SPOPL: variants seen among roughly 807,000 people sequenced by gnomAD.
SPOPL encodes speckle type BTB/POZ protein like.
SPOPL carries 23 observed loss-of-function variants against 53.8 expected under a neutral mutation model. That is an observed-to-expected ratio of 0.43 (90% CI 0.31 to 0.61). The LOEUF (loss-of-function observed/expected upper bound fraction) is 0.61. Ranked by LOEUF, SPOPL falls within the 20% of genes least tolerant of loss-of-function variation. The pLI is 0.12. For missense variants in SPOPL, 442 were observed against 466.9 expected (o/e 0.95, Z 0.49); for synonymous variants, 164 against 149.7 (o/e 1.10, Z -0.70).
chr2:138,505,296 C>T (rs1251778947), intron 1 of SPOPL, among the ~76,000 whole-genome samples: 2 of 152,044 alleles, frequency 1.3e-5, no homozygotes, highest in Non-Finnish European at 2.9e-5. Context: ...ATATTGAAGG[C>T]ATTTACATTT....
intron 1 of SPOPL, among the ~76,000 whole-genome samples, chr2:138,537,022 C>T (rs1174963640): frequency 6.6e-6 from 1 of 152,122 alleles, no homozygotes; most frequent in Non-Finnish European, 1.5e-5. Flanking sequence ...TGATTGGTAC[C>T]CTGACAGCAC....
intron 1 of SPOPL, among the ~76,000 whole-genome samples, chr2:138,528,531 G>A (rs550240014): frequency 1.3e-5 from 2 of 152,272 alleles, no homozygotes; most frequent in African/African-American, 4.8e-5. Context: ...TGAGTATCGT[G>A]TTGGGAAATA....
At chr2:138,555,171 C>T (rs7604675) in intron 5 of SPOPL, among the ~76,000 whole-genome samples, 13,154 of 86,154 alleles carry the variant, frequency 0.15, 680 homozygotes, top group Middle Eastern at 0.26. Context: ...TGTGTGTGTG[C>T]GAGCCAGACT....
chr2:138,537,649 T>C (rs1684966691), intron 1 of SPOPL, among the ~76,000 whole-genome samples: 1 of 152,182 alleles, frequency 6.6e-6, no homozygotes, highest in Non-Finnish European at 1.5e-5. Flanking sequence ...ATCCTTCCTG[T>C]CACAGGAGGA....
intron 1 of SPOPL, among the ~76,000 whole-genome samples, chr2:138,541,532 G>A (rs1272113253): frequency 1.3e-5 from 2 of 152,184 alleles, no homozygotes; most frequent in African/African-American, 4.8e-5. Context: ...TATTTGCATA[G>A]AGGTGTTTAT....
At chr2:138,516,457 A>G (rs1314615979) in intron 1 of SPOPL, among the ~76,000 whole-genome samples, 1 of 152,220 alleles carries the variant, frequency 6.6e-6, no homozygotes, top group African/African-American at 2.4e-5. Context: ...TGGTCAAGCT[A>G]TTCTAGCTAA....
rs185382290 is a variant in SPOPL at position 138,564,456 on chromosome 2, A to G, written c.838-252A>G. ...TATTAAGAATATTGAGTAATAAGGTAGCTTTTTAGAATAAATCCTACTTCA... is the reference window on the plus strand; with the variant it reads ...TATTAAGAATATTGAGTAATAAGGTGGCTTTTTAGAATAAATCCTACTTCA... On this transcript the variant is annotated intron_variant, in intron 8 of 10. Transcript: ENST00000280098. 37 of 413,016 alleles carry G rather than the reference A, an allele frequency of 9.0e-5. No homozygotes were observed. In the Admixed American group the frequency reaches 1.2e-3, roughly 13 times the overall value. 25.6% of individuals were successfully genotyped at this position (413,016 alleles called of 1,614,324 possible).
chr2:138,528,795 C>A (rs1212746640), intron 1 of SPOPL, among the ~76,000 whole-genome samples: 2 of 152,190 alleles, frequency 1.3e-5, no homozygotes, highest in Non-Finnish European at 2.9e-5. Flanking sequence ...AGCTTGGACT[C>A]AAATCCAGTC....
At chr2:138,562,542 T>C (rs1685571453) in intron 8 of SPOPL, among the ~76,000 whole-genome samples, 1 of 152,150 alleles carries the variant, frequency 6.6e-6, no homozygotes, top group African/African-American at 2.4e-5. Context: ...CCGAACACTT[T>C]GGGAGGCCAA....
intron 5 of SPOPL, among the ~76,000 whole-genome samples, chr2:138,558,445 TG>T (rs1286164910): frequency 2.6e-5 from 4 of 152,190 alleles, no homozygotes; most frequent in Non-Finnish European, 4.4e-5. Context: ...TGGAAGTTTT[TG>T]TACCTTAAAA....
chr2:138,559,610 A>C (rs139148632), intron 7 of SPOPL, among the ~76,000 whole-genome samples: 2 of 152,204 alleles, frequency 1.3e-5, no homozygotes, highest in African/African-American at 2.4e-5. Context: ...CCAAAGGACT[A>C]TTCTGGTCCA....
chr2:138,567,076 G>A (rs1359137259), intron 10 of SPOPL, among the ~76,000 whole-genome samples: 1 of 152,178 alleles, frequency 6.6e-6, no homozygotes, highest in Non-Finnish European at 1.5e-5. Context: ...ACAGTGCACA[G>A]TATAGAGAAT....
chr2:138,551,130 A>T lies in SPOPL; in HGVS notation c.352+76A>T, dbSNP rs180745044. On this transcript the variant is annotated intron_variant, in intron 4 of 10. Coordinates refer to ENST00000280098, the MANE Select transcript of SPOPL (RefSeq NM_001001664.3). ...TGACTTCTTCTGCACCTTTACCTAG[A>T]AAAGTCTGGGACTTTTTTCTGCTAA... 7.0e-4 allele frequency: 1,067 copies of T among 1,526,968 alleles called. 11 individuals carry two copies. The highest frequency in any genetic ancestry group is 3.0e-5 in the Non-Finnish European group (34 of 1,134,326). The allele number at this position is 1,526,968 out of a possible 1,614,324, so 94.6% of individuals were successfully genotyped here. A position where few individuals can be genotyped will look rare whatever the true frequency, so the allele number is the denominator to read the frequency against.
chr2:138,564,616 T>C (rs1685619129), intron 8 of SPOPL, 92 bp from the exon 9 acceptor site: 2 of 1,380,114 alleles, frequency 1.4e-6, no homozygotes, highest in Middle Eastern at 3.7e-4. Context: ...TAATAATCTA[T>C]TTTACCCTTA....
At chr2:138,533,556 G>A (rs563040772) in intron 1 of SPOPL, among the ~76,000 whole-genome samples, 19 of 152,006 alleles carry the variant, frequency 1.2e-4, no homozygotes, top group African/African-American at 4.6e-4. Flanking sequence ...TAAAGTCATC[G>A]TATACTTAAT....
At chr2:138,509,447 A>G (rs1573865249) in intron 1 of SPOPL, among the ~76,000 whole-genome samples, 2 of 152,190 alleles carry the variant, frequency 1.3e-5, no homozygotes, top group African/African-American at 4.8e-5. Context: ...CAAAAATAAC[A>G]AAATATAATG....
At chr2:138,526,809 C>A (rs1378954772) in intron 1 of SPOPL, among the ~76,000 whole-genome samples, 1 of 151,844 alleles carries the variant, frequency 6.6e-6, no homozygotes, top group African/African-American at 2.4e-5. Context: ...TCACTGCAAC[C>A]TCCACCTCCT....
chr2:138,565,595 TTC>T (rs1488900537), intron 10 of SPOPL, among the ~76,000 whole-genome samples: 5 of 152,296 alleles, frequency 3.3e-5, no homozygotes, highest in East Asian at 1.9e-4. Flanking sequence ...GACTTTTATA[TTC>T]TTTGTTATTA....
intron 1 of SPOPL, among the ~76,000 whole-genome samples, chr2:138,535,132 A>G (rs914971465): frequency 1.3e-5 from 2 of 152,162 alleles, no homozygotes; most frequent in Non-Finnish European, 1.5e-5. Flanking sequence ...TGATTGCATC[A>G]CTGTATTTCA....
Sources: allele counts gnomAD v4.1 joint callset (sites outside exome capture counted in the v4.1 genomes callset), GRCh38; gene constraint gnomAD v4.1.1; transcripts MANE v1.5; gene names NCBI Gene and HGNC (gene_info 2026-07-23, HGNC 2026-07-21).